Variants in CAT observed in about 807,000 individuals in gnomAD.
The protein encoded by CAT is epididymis secretory sperm binding protein.
Under a neutral mutation model 59.0 loss-of-function variants are expected in CAT, and 43 were observed. That is an observed-to-expected ratio of 0.73 (90% CI 0.57 to 0.94). The LOEUF (loss-of-function observed/expected upper bound fraction) is 0.94, where lower values mean the gene tolerates loss of function less well. CAT is among the 40% of genes least tolerant of loss of function. The pLI is 0.00. For missense variants in CAT, 664 were observed against 682.9 expected (o/e 0.97, Z 0.31); for synonymous variants, 218 against 230.9 (o/e 0.94, Z 0.51).
intron 4 of CAT, among the ~76,000 whole-genome samples, chr11:34,452,738 C>T (rs1856539629): frequency 6.6e-6 from 1 of 151,662 alleles, no homozygotes; most frequent in Non-Finnish European, 1.5e-5. Context: ...GCCTATAGTC[C>T]CAGCTACTTG....
rs1337694095 is a variant in CAT at position 34,471,006 on chromosome 11, G to A, written c.1483G>A (p.Ala495Thr). 1 of 1,614,048 alleles carries A rather than the reference G, an allele frequency of 6.2e-7. No homozygotes were observed. Among genetic ancestry groups the A allele is most frequent in the Non-Finnish European group, 8.5e-7 (1 of 1,180,020 alleles). The change falls in exon 12 of 13, where the codon GCT becomes ACT. Residue 495 changes from alanine to threonine, a missense_variant. Coordinates refer to ENST00000241052, the MANE Select transcript of CAT (RefSeq NM_001752.4). ...CCCTGACTACGGGAGCCACATCCAG[G>A]CTCTTCTGGACAAGTACAATGCTGA... ...VHPDYGSHIQ[A>T]LLDKYNAEKP...
chr11:34,467,650 C>G (rs1856733940), intron 10 of CAT, among the ~76,000 whole-genome samples: 1 of 152,124 alleles, frequency 6.6e-6, no homozygotes, highest in Non-Finnish European at 1.5e-5. Flanking sequence ...TAGCTACAAC[C>G]TTTTGATTTC....
chr11:34,458,745 T>G (rs919206803), intron 8 of CAT, among the ~76,000 whole-genome samples: 1 of 152,198 alleles, frequency 6.6e-6, no homozygotes, highest in Admixed American at 6.5e-5. Flanking sequence ...AGTGGGACCG[T>G]GAGGCAGTCA....
chr11:34,448,719 A>G (rs1273744932), intron 1 of CAT, among the ~76,000 whole-genome samples: 2 of 152,052 alleles, frequency 1.3e-5, no homozygotes, highest in East Asian at 1.9e-4. Flanking sequence ...CTTGAGATGC[A>G]CTAAACAAGG....
intron 8 of CAT, among the ~76,000 whole-genome samples, chr11:34,459,375 C>T (rs1475250383): frequency 6.6e-6 from 1 of 152,112 alleles, no homozygotes; most frequent in Non-Finnish European, 1.5e-5. Flanking sequence ...TTTACAGGTG[C>T]CTTTTAACAA....
At chr11:34,443,364 T>C (rs1292639086) in intron 1 of CAT, among the ~76,000 whole-genome samples, 1 of 152,234 alleles carries the variant, frequency 6.6e-6, no homozygotes, top group Non-Finnish European at 1.5e-5. Context: ...TTGTAAACTT[T>C]AATAAGTGAG....
chr11:34,448,730 T>G (rs892984362), intron 1 of CAT, among the ~76,000 whole-genome samples: 8 of 152,230 alleles, frequency 5.3e-5, no homozygotes, highest in African/African-American at 1.7e-4. Context: ...CTAAACAAGG[T>G]AGCGCACTTG....
intron 1 of CAT, among the ~76,000 whole-genome samples, chr11:34,442,059 A>C (rs1326364909): frequency 2.0e-5 from 3 of 152,170 alleles, no homozygotes; most frequent in African/African-American, 7.2e-5. Context: ...TTGGGTGTGC[A>C]GTGGTATCTC....
In CAT at chr11:34,463,181, G is replaced by A. The variant is rs987982647; in HGVS notation, c.1196-924G>A. Among the ~76,000 whole-genome samples the A allele has an allele frequency of 3.9e-4, 60 of 152,220 alleles. 1 individual carries two copies. The highest frequency in any genetic ancestry group is 1.4e-3 in the African/African-American group (58 of 41,548). On this transcript the variant is annotated intron_variant, in intron 9 of 12. Transcript: ENST00000241052. Reference sequence around the variant, plus strand: ...ACTCCTGTTTAGGCAGTGTGTGCTCGGGTAATGAAAGCTTCTGCTAATGTC... The same window carrying A: ...ACTCCTGTTTAGGCAGTGTGTGCTCAGGTAATGAAAGCTTCTGCTAATGTC...
At chr11:34,451,718 C>A (rs1856525448) in intron 3 of CAT, among the ~76,000 whole-genome samples, 1 of 152,186 alleles carries the variant, frequency 6.6e-6, no homozygotes, top group Non-Finnish European at 1.5e-5. Flanking sequence ...TTAACCTCAT[C>A]ATTTTGACAA....
intron 6 of CAT, 138 bp from the exon 7 acceptor site, chr11:34,455,873 T>G (rs558334179): frequency 8.7e-6 from 6 of 688,858 alleles, no homozygotes; most frequent in East Asian, 7.7e-5. Context: ...AGTATCAGAT[T>G]TGAACAATAG....
At position 34,471,047 on chromosome 11, in the gene CAT, C is replaced by A; in HGVS notation, c.1518+6C>A. The A allele has an allele frequency of 6.2e-7, 1 of 1,613,152 alleles. No individual in the cohort carries two copies. The highest frequency in any genetic ancestry group is 8.5e-7 in the Non-Finnish European group (1 of 1,179,106). On this transcript the variant is annotated splice_donor_region_variant and intron_variant, in intron 12 of 12. Transcript: ENST00000241052. The stretch of plus-strand genomic sequence containing the variant: ...ACAATGCTGAGAAGCCTAAGGTAAG[C>A]TGGGAGCAGCCTGGCCATGCAGAGG...
Position 34,464,130 on chromosome 11 carries a change from C to T in CAT, c.1221C>T (p.Asn407=), listed in dbSNP as rs900483030. The T allele has an allele frequency of 6.2e-7, 1 of 1,614,198 alleles. No homozygotes were observed. ...NQGGAPNYYP[N]SFGAPEQQPS... is the part of the protein sequence containing the mutation. Reference sequence around the variant, plus strand: ...GTGGTGCTCCAAATTACTACCCCAACAGCTTTGGTGCTCCGGAACAACAGC... The same window carrying T: ...GTGGTGCTCCAAATTACTACCCCAATAGCTTTGGTGCTCCGGAACAACAGC... Residue 407 remains asparagine (N), a synonymous_variant, in exon 10 of 13, where the codon AAC becomes AAT. Coordinates refer to ENST00000241052, the MANE Select transcript of CAT (RefSeq NM_001752.4).
At chr11:34,461,501 G>T in intron 9 of CAT, 112 bp downstream of exon 9, 1 of 1,282,412 alleles carries the variant, frequency 7.8e-7, no homozygotes, top group Non-Finnish European at 1.1e-6. Flanking sequence ...CTCCTGCTTG[G>T]TAAAGGTGCT....
At chr11:34,442,448 A>G (rs1311805549) in intron 1 of CAT, among the ~76,000 whole-genome samples, 1 of 152,120 alleles carries the variant, frequency 6.6e-6, no homozygotes, top group African/African-American at 2.4e-5. Flanking sequence ...CTAAAAATAC[A>G]AAATTAGCTG....
rs761019680 is a variant in CAT at position 34,464,246 on chromosome 11, C to T, written c.1326+11C>T. On this transcript the variant is annotated intron_variant, in intron 10 of 12. Transcript: ENST00000241052. ...GATAACGTTACTCAGGTAATGACTTCTCTTTATCTGCTATGGAAGTCACCT... is the reference window on the plus strand; with the variant it reads ...GATAACGTTACTCAGGTAATGACTTTTCTTTATCTGCTATGGAAGTCACCT... 20 of 1,613,352 alleles carry T rather than the reference C, an allele frequency of 1.2e-5. No homozygotes were observed. The highest frequency in any genetic ancestry group is 1.7e-5 in the Non-Finnish European group (20 of 1,179,330).
intron 4 of CAT, among the ~76,000 whole-genome samples, chr11:34,452,725 C>T (rs1183806401): frequency 6.6e-6 from 1 of 151,952 alleles, no homozygotes; most frequent in Non-Finnish European, 1.5e-5. Flanking sequence ...TGTGGTGGCT[C>T]ATGCCTATAG....
At chr11:34,469,924 C>T (rs911961488) in intron 11 of CAT, among the ~76,000 whole-genome samples, 11 of 152,282 alleles carry the variant, frequency 7.2e-5, no homozygotes, top group East Asian at 3.9e-4. Flanking sequence ...TCTTGGCCTC[C>T]CAAAGTGCTG....
At chr11:34,451,982 A>C (rs1856527819) in intron 3 of CAT, 95 bp from the exon 4 acceptor site, 1 of 1,339,658 alleles carries the variant, frequency 7.5e-7, no homozygotes, top group South Asian at 1.2e-5. Flanking sequence ...GAAGTGGATT[A>C]GAAAGGATGG....
Sources: gnomAD v4.1 joint callset for allele counts (sites outside exome capture counted in the v4.1 genomes callset) on GRCh38, gnomAD v4.1.1 for gene constraint, MANE v1.5 for transcripts, NCBI Gene and HGNC (gene_info 2026-07-23, HGNC 2026-07-21) for gene names.